SYDE1: variants seen among roughly 807,000 people sequenced by gnomAD.
SYDE1 encodes the protein rho GTPase-activating protein SYDE1.
A neutral mutation model predicts 63.3 loss-of-function variants in SYDE1; 34 were observed. That is an observed-to-expected ratio of 0.54 (90% CI 0.41 to 0.71). SYDE1 has a LOEUF of 0.71. Among genes scored for constraint, SYDE1 ranks in the 30% least tolerant of loss-of-function variants. SYDE1 has a pLI of 0.00. For missense variants in SYDE1, 925 were observed against 1,042.5 expected (o/e 0.89, Z 1.55); for synonymous variants, 467 against 473.4 (o/e 0.99, Z 0.18).
In SYDE1 at chr19:15,113,818, A is replaced by C. The variant is rs2046363951; in HGVS notation, c.2063A>C (p.Glu688Ala). 3.1e-6 allele frequency: 5 copies of C among 1,614,094 alleles called. No individual in the cohort carries two copies. Among genetic ancestry groups the C allele is most frequent in the Non-Finnish European group, 3.4e-6 (4 of 1,180,040 alleles). Residue 688 changes from glutamate (E) to alanine (A), a missense_variant, in exon 8 of 8, where the codon GAG (glutamate) becomes GCG (alanine). Coordinates refer to ENST00000342784, the MANE Select transcript of SYDE1 (RefSeq NM_033025.6). ...VTGSDSEDED[E>A]EVGEPRVTGD... is the part of the protein sequence containing the mutation. ...GGCAGTGACAGCGAGGACGAGGACG[A>C]GGAGGTCGGCGAGCCGAGGGTCACC...
rs1461207812 is a variant in SYDE1, at chr19:15,114,443, C to T, written c.*480C>T. On this transcript the variant is annotated 3_prime_UTR_variant, in exon 8 of 8. Coordinates refer to ENST00000342784, the MANE Select transcript of SYDE1 (RefSeq NM_033025.6). ...ACGACACAAAGACTAGCATGAGGCA[C>T]TGTTTGTGGGGGGCAGCCCCTATCC... 6.1e-5 allele frequency: 10 copies of T among 163,604 alleles called. No individual in the cohort carries two copies. The highest frequency in any genetic ancestry group is 5.2e-4 in the Admixed American group (9 of 17,172). 10.1% of individuals were successfully genotyped at this position (163,604 alleles called of 1,614,324 possible).
At position 15,109,106 on chromosome 19, in the gene SYDE1, G is replaced by T; in HGVS notation, c.139G>T (p.Ala47Ser). Residue 47 changes from alanine to serine, a missense_variant, in exon 2 of 8, where the codon GCT becomes TCT. Physicochemically the swap from Ala to Ser is moderately conservative, Grantham distance 99 (BLOSUM62 1). Transcript: ENST00000342784. This position sits in a 1 kb window ranked among gnomAD's most constrained non-coding sequence, Gnocchi z 5.0. ...CAGCCCTCCAGAGCCAGAGCCCCAG[G>T]CTCCCGAAGGGTCCCAGGCCGGAGC... is the stretch of plus-strand genomic sequence containing the variant. ...EPSPPEPEPQ[A>S]PEGSQAGAEG... 3.2e-6 allele frequency: 5 copies of T among 1,540,132 alleles called. No individual in the cohort carries two copies. The highest frequency in any genetic ancestry group is 4.4e-6 in the Non-Finnish European group (5 of 1,143,708).
rs2046342239 is a variant in SYDE1 at position 15,110,914 on chromosome 19, G to A, written c.1290+179G>A. Among the ~76,000 whole-genome samples the A allele has an allele frequency of 6.6e-6, 1 of 152,166 alleles. No individual in the cohort carries two copies. The highest frequency in any genetic ancestry group is 1.5e-5 in the Non-Finnish European group (1 of 68,022). Reference sequence around the variant, plus strand: ...TGTAGCACCCTGGGCAGAACCCATGGGTCATCCATTGATTTAAAAACAGGA... The same window carrying A: ...TGTAGCACCCTGGGCAGAACCCATGAGTCATCCATTGATTTAAAAACAGGA... On this transcript the variant is annotated intron_variant, in intron 4 of 7. Transcript: ENST00000342784. This position sits in a 1 kb window ranked among gnomAD's most constrained non-coding sequence, Gnocchi z 6.9.
At position 15,114,274 on chromosome 19, in the gene SYDE1, C is replaced by T; in HGVS notation, c.*311C>T. ...TAGTTCTCGCGCTTGCTAGGCTGGC[C>T]TCTCTTGCCTCCCCTTGGCCGGGGC... On this transcript the variant is annotated 3_prime_UTR_variant, in exon 8 of 8. Coordinates refer to ENST00000342784, the MANE Select transcript of SYDE1 (RefSeq NM_033025.6). 2.8e-6 allele frequency: 1 copy of T among 359,628 alleles called. No individual in the cohort carries two copies. Among genetic ancestry groups the T allele is most frequent in the Non-Finnish European group, 5.1e-6 (1 of 195,566 alleles). The allele number at this position is 359,628 out of a possible 1,614,324, so 22.3% of individuals were successfully genotyped here.
Position 15,111,179 on chromosome 19 carries a change from G to A in SYDE1, c.1291-134G>A. ...AGCAGAGGGTTTACAAGGCCAGGTT[G>A]TCAAGGTAGTTCCAACCTCCCAGCC... is the stretch of plus-strand genomic sequence containing the variant. On this transcript the variant is annotated intron_variant, in intron 4 of 7. Coordinates refer to ENST00000342784, the MANE Select transcript of SYDE1 (RefSeq NM_033025.6). This position sits in a 1 kb window ranked among gnomAD's most constrained non-coding sequence, Gnocchi z 5.5. 1 of 935,424 alleles carries A rather than the reference G, an allele frequency of 1.1e-6. No individual in the cohort carries two copies. 57.9% of individuals were successfully genotyped at this position (935,424 alleles called of 1,614,324 possible). A position where few individuals can be genotyped will look rare whatever the true frequency, so the allele number is the denominator to read the frequency against.
rs374991037 is a variant in SYDE1, at chr19:15,111,700, C to G, written c.1486C>G (p.Leu496Val). 6.2e-7 allele frequency: 1 copy of G among 1,613,370 alleles called. No homozygotes were observed. Among genetic ancestry groups the G allele is most frequent in the Non-Finnish European group, 8.5e-7 (1 of 1,179,638 alleles). Residue 496 changes from leucine to valine, a missense_variant, in exon 6 of 8, where the codon CTG becomes GTG. Transcript: ENST00000342784. This position sits in a 1 kb window ranked among gnomAD's most constrained non-coding sequence, Gnocchi z 5.5. ...LITQPLYKVV[L>V]EAMARDPPNR... ...CACCCAGCCCCTGTATAAGGTGGTA[C>G]TGGAGGCCATGGCCCGGGACCCCCC... is the stretch of plus-strand genomic sequence containing the variant.
chr19:15,113,657 G>A lies in SYDE1; in HGVS notation c.1902G>A (p.Val634=), dbSNP rs925404148. 1 of 1,613,214 alleles carries A rather than the reference G, an allele frequency of 6.2e-7. No individual in the cohort carries two copies. ...TGCCGCTGGCAGACCCCGAAGTGGT[G>A]ACTCGGCCCCGCGGTCGAGGAGGCC... is the stretch of plus-strand genomic sequence containing the variant. ...LHLPLADPEV[V]TRPRGRGGPE... Residue 634 remains valine, a synonymous_variant, in exon 8 of 8, where the codon GTG becomes GTA. Coordinates refer to ENST00000342784, the MANE Select transcript of SYDE1 (RefSeq NM_033025.6).
rs1312277756 is a variant in SYDE1 at position 15,112,441 on chromosome 19, G to A, written c.1674G>A (p.Gly558=). Residue 558 remains glycine (G), a synonymous_variant, in exon 7 of 8, where the codon GGG becomes GGA. Transcript: ENST00000342784. ...MTPQNLAVCF[G]PVLLPARQAP... is the part of the protein sequence containing the mutation. ...CACAGAACTTGGCCGTGTGCTTCGG[G>A]CCTGTGCTGCTGCCGGCACGCCAGG... The A allele has an allele frequency of 6.2e-7, 1 of 1,602,316 alleles. No homozygotes were observed.
rs369343024 is a variant in SYDE1 at position 15,110,462 on chromosome 19, G to A, written c.1076-59G>A. On this transcript the variant is annotated intron_variant, in intron 3 of 7. Transcript: ENST00000342784. The surrounding 1 kb of genome is among the most constrained non-coding windows in gnomAD (Gnocchi z 6.9). Reference sequence around the variant, plus strand: ...GGCGGAAGGTGTGGCCTGGAGCAGCGAGGCCAGGGTACATGAAGCTTCAGA... The same window carrying A: ...GGCGGAAGGTGTGGCCTGGAGCAGCAAGGCCAGGGTACATGAAGCTTCAGA... 2 of 1,508,594 alleles carry A rather than the reference G, an allele frequency of 1.3e-6. No homozygotes were observed. The highest frequency in any genetic ancestry group is 8.9e-7 in the Non-Finnish European group (1 of 1,123,318). The allele number at this position is 1,508,594 out of a possible 1,614,324, so 93.5% of individuals were successfully genotyped here.
In SYDE1 at chr19:15,112,356, C is replaced by T. The variant is rs749843203; in HGVS notation, c.1589C>T (p.Thr530Met). 26 of 1,567,978 alleles carry T rather than the reference C, an allele frequency of 1.7e-5. No individual in the cohort carries two copies. Among genetic ancestry groups the T allele is most frequent in the Middle Eastern group, 1.7e-4 (1 of 6,034 alleles). Residue 530 changes from threonine to methionine, a missense_variant, in exon 7 of 8, where the codon ACG becomes ATG. Thr to Met is a moderately conservative substitution (Grantham distance 81). Around this residue, in one of 3 missense-constraint regions of SYDE1, gnomAD observed 71 missense variants for 132.8 expected, o/e 0.53. Transcript: ENST00000342784. ...CLPDVERATLTLLLDHLRLVS... is the reference protein window; with the variant it reads ...CLPDVERATLMLLLDHLRLVS... The stretch of plus-strand genomic sequence containing the variant: ...TCAACCCTCTCCCAGGCCACGCTGA[C>T]GCTTCTCCTGGACCACCTGCGCCTC...
chr19:15,109,046 T>C lies in SYDE1; in HGVS notation c.89-10T>C, dbSNP rs2046323600. 6.8e-7 allele frequency: 1 copy of C among 1,473,848 alleles called. No individual in the cohort carries two copies. The highest frequency in any genetic ancestry group is 8.9e-7 in the Non-Finnish European group (1 of 1,118,582). The allele number at this position is 1,473,848 out of a possible 1,614,324, so 91.3% of individuals were successfully genotyped here. On this transcript the variant is annotated splice_polypyrimidine_tract_variant and intron_variant, in intron 1 of 7. Coordinates refer to ENST00000342784, the MANE Select transcript of SYDE1 (RefSeq NM_033025.6). This position sits in a 1 kb window ranked among gnomAD's most constrained non-coding sequence, Gnocchi z 5.0. The stretch of plus-strand genomic sequence containing the variant: ...GCTGGGTGGGTCTCACTCCCCTTGC[T>C]CTCTGCCAGGCCACCCAGCCCAGCG...
chr19:15,113,869 C>G lies in SYDE1; in HGVS notation c.2114C>G (p.Ala705Gly). 2 of 1,614,178 alleles carry G rather than the reference C, an allele frequency of 1.2e-6. No individual in the cohort carries two copies. The highest frequency in any genetic ancestry group is 1.7e-6 in the Non-Finnish European group (2 of 1,180,020). Residue 705 changes from alanine to glycine, a missense_variant, in exon 8 of 8, where the codon GCG (alanine) becomes GGG (glycine). Ala to Gly is a moderately conservative substitution (Grantham distance 60). Coordinates refer to ENST00000342784, the MANE Select transcript of SYDE1 (RefSeq NM_033025.6). The stretch of plus-strand genomic sequence containing the variant: ...GGTGACTTCGAAGACGACTTCGATG[C>G]GCCCTTCAACCCGCACCTGAATCTC... ...VTGDFEDDFDAPFNPHLNLKD... is the reference protein window; with the variant it reads ...VTGDFEDDFDGPFNPHLNLKD...
In SYDE1 at chr19:15,113,831, G is replaced by A. The variant is rs1346525175; in HGVS notation, c.2076G>A (p.Glu692=). 6.2e-7 allele frequency: 1 copy of A among 1,614,064 alleles called. No individual in the cohort carries two copies. The highest frequency in any genetic ancestry group is 1.3e-5 in the African/African-American group (1 of 74,954). ...AGGACGAGGACGAGGAGGTCGGCGA[G>A]CCGAGGGTCACCGGTGACTTCGAAG... ...DSEDEDEEVG[E]PRVTGDFEDD... is the part of the protein sequence containing the mutation. The change falls in exon 8 of 8, where the codon GAG becomes GAA. Residue 692 remains glutamate (E), a synonymous_variant. Coordinates refer to ENST00000342784, the MANE Select transcript of SYDE1 (RefSeq NM_033025.6).
chr19:15,107,765 G>A (rs1271543688), intron 1 of SYDE1, among the ~76,000 whole-genome samples: 1 of 151,786 alleles, frequency 6.6e-6, no homozygotes, highest in Non-Finnish European at 1.5e-5. Context: ...TCCTTGGGAG[G>A]CCCGGGAGGG....
rs940575637 is a variant in SYDE1 at position 15,109,889 on chromosome 19, C to A, written c.616C>A (p.Leu206Met). ...GGGCTCCGTCATCAGCCGCTACCAC[C>A]TGGACAGCAGCGTGGGGGGCCCCGG... The part of the protein sequence containing the change: ...PAGSVISRYH[L>M]DSSVGGPGPA... Residue 206 changes from leucine to methionine, a missense_variant, in exon 3 of 8, where the codon CTG becomes ATG. By Grantham distance (15) the Leu-to-Met change is conservative (BLOSUM62 2). Around this residue, in one of 3 missense-constraint regions of SYDE1, gnomAD observed 599 missense variants for 653.7 expected, o/e 0.92. Transcript: ENST00000342784. The surrounding 1 kb of genome is among the most constrained non-coding windows in gnomAD (Gnocchi z 5.0). 3 of 1,509,756 alleles carry A rather than the reference C, an allele frequency of 2.0e-6. No individual in the cohort carries two copies. The highest frequency in any genetic ancestry group is 1.4e-5 in the African/African-American group (1 of 71,042). The allele number at this position is 1,509,756 out of a possible 1,614,324, so 93.5% of individuals were successfully genotyped here. A position where few individuals can be genotyped will look rare whatever the true frequency, so the allele number is the denominator to read the frequency against.
In SYDE1 at chr19:15,110,265, C is replaced by T. The variant is rs920090089; in HGVS notation, c.992C>T (p.Ala331Val). Residue 331 changes from alanine to valine, a missense_variant, in exon 3 of 8, where the codon GCC becomes GTC. Around this residue, in one of 3 missense-constraint regions of SYDE1, gnomAD observed 599 missense variants for 653.7 expected, o/e 0.92. Transcript: ENST00000342784. This position sits in a 1 kb window ranked among gnomAD's most constrained non-coding sequence, Gnocchi z 6.9. ...CTGGAGGCCGCCAGGCTCCTGCGCGCCCTGGTGCTTGCGTGGGACCCTGGC... is the reference window on the plus strand; with the variant it reads ...CTGGAGGCCGCCAGGCTCCTGCGCGTCCTGGTGCTTGCGTGGGACCCTGGC... ...LELEAARLLR[A>V]LVLAWDPGVR... 2.1e-6 allele frequency: 3 copies of T among 1,417,898 alleles called. No individual in the cohort carries two copies. The highest frequency in any genetic ancestry group is 2.9e-5 in the African/African-American group (2 of 68,104). 87.8% of individuals were successfully genotyped at this position (1,417,898 alleles called of 1,614,324 possible).
Position 15,109,190 on chromosome 19 carries a change from A to T in SYDE1, c.223A>T (p.Ser75Cys), listed in dbSNP as rs2046324929. 1.3e-6 allele frequency: 2 copies of T among 1,560,936 alleles called. No individual in the cohort carries two copies. Among genetic ancestry groups the T allele is most frequent in the Non-Finnish European group, 1.7e-6 (2 of 1,152,122 alleles). Residue 75 changes from serine to cysteine, a missense_variant, in exon 2 of 8, where the codon AGC becomes TGC. Coordinates refer to ENST00000342784, the MANE Select transcript of SYDE1 (RefSeq NM_033025.6). This position sits in a 1 kb window ranked among gnomAD's most constrained non-coding sequence, Gnocchi z 5.0. ...RSPARGAYLQSLEPSSRRWVL... is the reference protein window; with the variant it reads ...RSPARGAYLQCLEPSSRRWVL... ...CCCTGCACGGGGAGCCTACCTGCAA[A>T]GCCTGGAGCCCAGTAGCCGCCGATG...
chr19:15,109,005 C>A lies in SYDE1; in HGVS notation c.89-51C>A. 6.9e-7 allele frequency: 1 copy of A among 1,444,990 alleles called. No individual in the cohort carries two copies. Among genetic ancestry groups the A allele is most frequent in the South Asian group, 1.5e-5 (1 of 68,340 alleles). The allele number at this position is 1,444,990 out of a possible 1,614,324, so 89.5% of individuals were successfully genotyped here. A position where few individuals can be genotyped will look rare whatever the true frequency, so the allele number is the denominator to read the frequency against. On this transcript the variant is annotated intron_variant, in intron 1 of 7. Coordinates refer to ENST00000342784, the MANE Select transcript of SYDE1 (RefSeq NM_033025.6). This position sits in a 1 kb window ranked among gnomAD's most constrained non-coding sequence, Gnocchi z 5.0. ...CACTGATCAATTGCACAGGGCTGCT[C>A]TGCAGGCAGTGAGGGGCTGGGTGGG...
At position 15,107,534 on chromosome 19, in the gene SYDE1, C is replaced by A. The variant is rs2046314700; in HGVS notation, c.88+13C>A. Reference sequence around the variant, plus strand: ...GCCAAGGAGCGCGGTAAGCGGAGATCGGTGGGGAACAGGGGGCGCCGAGCC... The same window carrying A: ...GCCAAGGAGCGCGGTAAGCGGAGATAGGTGGGGAACAGGGGGCGCCGAGCC... On this transcript the variant is annotated intron_variant, in intron 1 of 7. Coordinates refer to ENST00000342784, the MANE Select transcript of SYDE1 (RefSeq NM_033025.6). The A allele has an allele frequency of 6.5e-7, 1 of 1,534,152 alleles. No individual in the cohort carries two copies. The highest frequency in any genetic ancestry group is 8.8e-7 in the Non-Finnish European group (1 of 1,135,696).
Sources: gnomAD v4.1 joint callset for allele counts (sites outside exome capture counted in the v4.1 genomes callset) on GRCh38, gnomAD v4.1.1 for gene constraint, gnomAD v4.1.1 regional missense constraint, Gnocchi (gnomAD v3.1) non-coding constraint, MANE v1.5 for transcripts, NCBI Gene and HGNC (gene_info 2026-07-23, HGNC 2026-07-21) for gene names.